Variants in NEGR1 observed in about 807,000 individuals in gnomAD.
NEGR1 encodes the protein IgLON family member 4.
Under a neutral mutation model 40.9 loss-of-function variants are expected in NEGR1, and 10 were observed. The ratio of observed to expected loss-of-function variants is 0.24; its 90% confidence interval spans 0.15 to 0.42. NEGR1 has a LOEUF of 0.42. Among genes scored for constraint, NEGR1 ranks in the 10% least tolerant of loss-of-function variants. NEGR1 has a pLI of 1.00. For missense variants in NEGR1, 352 were observed against 438.9 expected, an observed-to-expected ratio of 0.80 and a Z score of 1.77; for synonymous variants, 185 against 166.8, an observed-to-expected ratio of 1.11 and a Z score of -0.84.
At chr1:72,277,426 G>A (rs1208006390) in intron 1 of NEGR1, among the ~76,000 whole-genome samples, 5 of 152,244 alleles carry the variant, frequency 3.3e-5, no homozygotes, top group South Asian at 4.1e-4. Flanking sequence ...GCATTAACAC[G>A]CTTGTGTTCA....
chr1:71,916,074 A>G (rs778472687), intron 2 of NEGR1, among the ~76,000 whole-genome samples: 4 of 152,120 alleles, frequency 2.6e-5, no homozygotes, highest in Non-Finnish European at 4.4e-5. Context: ...AGGGTGGGCA[A>G]AAGAGAGAAG....
At chr1:72,128,848 C>T (rs915406725) in intron 1 of NEGR1, among the ~76,000 whole-genome samples, 1 of 152,110 alleles carries the variant, frequency 6.6e-6, no homozygotes, top group Admixed American at 6.6e-5. Flanking sequence ...GATATCCCTC[C>T]TCAATATGAG....
chr1:71,838,190 A>G (rs1659110955), intron 2 of NEGR1, among the ~76,000 whole-genome samples: 1 of 152,134 alleles, frequency 6.6e-6, no homozygotes, highest in Non-Finnish European at 1.5e-5. Context: ...TTTGAGAAAA[A>G]TTTCACTTTT....
chr1:71,734,777 C>G (rs1654994615), intron 3 of NEGR1, among the ~76,000 whole-genome samples: 1 of 152,174 alleles, frequency 6.6e-6, no homozygotes, highest in South Asian at 2.1e-4. Flanking sequence ...TCATCAGTGC[C>G]CTAATAATTT....
chr1:72,241,502 G>A lies in NEGR1; in HGVS notation c.176+40817C>T, dbSNP rs144301614. Among the ~76,000 whole-genome samples the A allele has an allele frequency of 3.3e-5, 5 of 151,646 alleles. No individual in the cohort carries two copies. The Admixed American group carries it at 3.3e-4, about 10-fold the overall frequency. On this transcript the variant is annotated intron_variant, in intron 1 of 6. Coordinates refer to ENST00000357731, the MANE Select transcript of NEGR1 (RefSeq NM_173808.3). Reference sequence around the variant, plus strand: ...TGGTCAAAAGAAAATGGTAATGTTAGTACCATAAACTAACTACTCATGTTT... The same window carrying A: ...TGGTCAAAAGAAAATGGTAATGTTAATACCATAAACTAACTACTCATGTTT...
At chr1:71,980,097 C>T (rs1281615030) in intron 1 of NEGR1, among the ~76,000 whole-genome samples, 2 of 151,982 alleles carry the variant, frequency 1.3e-5, no homozygotes, top group Non-Finnish European at 2.9e-5. Flanking sequence ...AATAACAGAA[C>T]GTGCATGCTA....
At chr1:72,193,591 A>T (rs1245010195) in intron 1 of NEGR1, among the ~76,000 whole-genome samples, 1 of 151,652 alleles carries the variant, frequency 6.6e-6, no homozygotes, top group African/African-American at 2.4e-5. Context: ...GATCCTTAAA[A>T]GATCAAAATA....
chr1:71,704,661 T>C (rs1200969944), intron 3 of NEGR1, among the ~76,000 whole-genome samples: 1 of 151,866 alleles, frequency 6.6e-6, no homozygotes, highest in East Asian at 1.9e-4. Context: ...AAAAGATCAC[T>C]CACAGAGAAA....
At chr1:71,983,223 A>T (rs1197534104) in intron 1 of NEGR1, among the ~76,000 whole-genome samples, 1 of 152,180 alleles carries the variant, frequency 6.6e-6, no homozygotes, top group Non-Finnish European at 1.5e-5. Flanking sequence ...ATTCAAAGTT[A>T]ACCTCCAAAT....
At position 71,810,253 on chromosome 1, in the gene NEGR1, T is replaced by A. The variant is rs1465173970; in HGVS notation, c.410-33956A>T. Among the ~76,000 whole-genome samples the A allele has an allele frequency of 3.3e-5, 5 of 152,218 alleles. No homozygotes were observed. The East Asian group carries it at 7.8e-4, about 24-fold the overall frequency. On this transcript the variant is annotated intron_variant, in intron 2 of 6. Transcript: ENST00000357731. ...CCTAATGGCTGTTTTCCTATTCATT[T>A]CAAATTATTAAAAAAGTGTCTAATT...
At chr1:71,814,848 C>CA (rs924154828) in intron 2 of NEGR1, among the ~76,000 whole-genome samples, 1 of 151,612 alleles carries the variant, frequency 6.6e-6, no homozygotes, top group Non-Finnish European at 1.5e-5. Flanking sequence ...TTAATTTTTT[C>CA]AAAAAACTAG....
At chr1:71,512,403 T>G (rs2101417659) in intron 6 of NEGR1, among the ~76,000 whole-genome samples, 1 of 152,350 alleles carries the variant, frequency 6.6e-6, no homozygotes, top group African/African-American at 2.4e-5. Context: ...TTTCTTGTTC[T>G]GTATTTCCAA....
At chr1:71,474,717 C>CAAAAAAAAAAA (rs56219737) in intron 6 of NEGR1, among the ~76,000 whole-genome samples, 37 of 85,960 alleles carry the variant, frequency 4.3e-4, no homozygotes, top group East Asian at 1.1e-3. Flanking sequence ...GACTCTATCT[C>CAAAAAAAAAAA]AAAAAAAAAA....
chr1:71,639,206 G>GAAA (rs111324697), intron 4 of NEGR1, among the ~76,000 whole-genome samples: 1 of 116,414 alleles, frequency 8.6e-6, no homozygotes, highest in South Asian at 2.8e-4. Context: ...GATGTTCAGG[G>GAAA]AAAAAAAAAA....
At chr1:71,568,749 A>G (rs916643508) in intron 6 of NEGR1, among the ~76,000 whole-genome samples, 4 of 152,076 alleles carry the variant, frequency 2.6e-5, no homozygotes, top group African/African-American at 7.2e-5. Context: ...ATGTGAGTAT[A>G]TATGTGTTTA....
At chr1:72,053,869 A>C (rs1647085759) in intron 1 of NEGR1, among the ~76,000 whole-genome samples, 1 of 130,168 alleles carries the variant, frequency 7.7e-6, no homozygotes. Context: ...TTTGTATTTT[A>C]ATTTTAAGAT....
intron 1 of NEGR1, among the ~76,000 whole-genome samples, chr1:72,054,783 T>C (rs1251771558): frequency 2.0e-5 from 3 of 151,168 alleles, no homozygotes; most frequent in Admixed American, 6.6e-5. Flanking sequence ...TATTCATATA[T>C]CCACATATAT....
rs1330229060 is a variant in NEGR1, at chr1:71,834,886, A to AACACACACACACACACACACACAC, written c.410-58590_410-58589insGTGTGTGTGTGTGTGTGTGTGTGT. Among the ~76,000 whole-genome samples, 292 of 78,168 alleles carry AACACACACACACACACACACACAC rather than the reference A, an allele frequency of 3.7e-3. 2 individuals carry two copies. The highest frequency in any genetic ancestry group is 0.022 in the Middle Eastern group (4 of 178). 51.3% of individuals were successfully genotyped at this position (78,168 alleles called of 152,430 possible). A position where few individuals can be genotyped will look rare whatever the true frequency, so the allele number is the denominator to read the frequency against. On this transcript the variant is annotated intron_variant, in intron 2 of 6. Transcript: ENST00000357731. Reference sequence around the variant, plus strand: ...CACCGTCGTTTTAAGATTTTAGGAGATCACACACACACACACACACACAGC... The same window carrying AACACACACACACACACACACACAC: ...CACCGTCGTTTTAAGATTTTAGGAGAACACACACACACACACACACACACTCACACACACACACACACACACAGC...
intron 3 of NEGR1, among the ~76,000 whole-genome samples, chr1:71,766,944 G>T (rs540302794): frequency 5.3e-5 from 8 of 152,196 alleles, no homozygotes; most frequent in Admixed American, 5.2e-4. Flanking sequence ...TGTCATGACC[G>T]TAAGTATCCT....
Sources: allele counts gnomAD v4.1 joint callset (sites outside exome capture counted in the v4.1 genomes callset), GRCh38; gene constraint gnomAD v4.1.1; transcripts MANE v1.5; gene names NCBI Gene and HGNC (gene_info 2026-07-23, HGNC 2026-07-21).